DYRK4: variants seen among roughly 807,000 people sequenced by gnomAD.
DYRK4 encodes the protein dual specificity tyrosine phosphorylation regulated kinase 4.
A neutral mutation model predicts 68.3 loss-of-function variants in DYRK4; 64 were observed. The ratio of observed to expected loss-of-function variants is 0.94; its 90% CI spans 0.77 to 1.15. The LOEUF is 1.15. Ranked by LOEUF, DYRK4 falls within the 50% of genes most tolerant of loss-of-function variation. The probability of loss-of-function intolerance (pLI) is 0.00; values close to 1 mark genes in which losing one functional copy is unlikely to be tolerated. For synonymous variants in DYRK4, 274 were observed against 289.9 expected (o/e 0.95, Z 0.56); for missense variants, 740 against 764.7 (o/e 0.97, Z 0.38).
At position 4,607,941 on chromosome 12, in the gene DYRK4, T is replaced by A. The variant is rs192399171; in HGVS notation, c.1360+554T>A. On this transcript the variant is annotated intron_variant, in intron 12 of 14. Coordinates refer to ENST00000543431, the MANE Select transcript of DYRK4 (RefSeq NM_001394779.1). ...GTTATGTACGTGTCATCTGTCTGATTGTTGGGAGTAAACTTCGTCCACAGT... is the reference window on the plus strand; with the variant it reads ...GTTATGTACGTGTCATCTGTCTGATAGTTGGGAGTAAACTTCGTCCACAGT... Among the ~76,000 whole-genome samples, 3 of 152,328 alleles carry A rather than the reference T, an allele frequency of 2.0e-5. No individual in the cohort carries two copies. The East Asian group carries it at 5.8e-4, about 29-fold the overall frequency.
At chr12:4,602,037 C>A in intron 10 of DYRK4, 1 of 372,124 alleles carries the variant, frequency 2.7e-6, no homozygotes, top group South Asian at 3.0e-5. Flanking sequence ...CTCTTAGAAC[C>A]TAATTGGAAA....
chr12:4,602,147 G>A (rs1405027617), intron 10 of DYRK4: 9 of 638,898 alleles, frequency 1.4e-5, no homozygotes, highest in Admixed American at 6.7e-5. Context: ...ATTAAGTTCA[G>A]CTTTCATATC....
At position 4,573,352 on chromosome 12, in the gene DYRK4, A is replaced by G. The variant is rs760541684; in HGVS notation, c.132+5304A>G. On this transcript the variant is annotated intron_variant, in intron 2 of 14. Transcript: ENST00000543431. The stretch of plus-strand genomic sequence containing the variant: ...TAGGGCCCCACTCTTTCTGAGATCT[A>G]CATGGTAAGTACCAGTTCCTTTGTT... 3.9e-6 allele frequency: 5 copies of G among 1,289,634 alleles called. No homozygotes were observed. The South Asian group carries it at 6.2e-5, about 16-fold the overall frequency. The allele number at this position is 1,289,634 out of a possible 1,614,324, so 79.9% of individuals were successfully genotyped here. A position where few individuals can be genotyped will look rare whatever the true frequency, so the allele number is the denominator to read the frequency against.
chr12:4,608,528 G>A (rs1288350361), intron 12 of DYRK4, among the ~76,000 whole-genome samples: 1 of 152,232 alleles, frequency 6.6e-6, no homozygotes, highest in Admixed American at 6.5e-5. Flanking sequence ...CCATGTGGGG[G>A]TTATAATTTG....
intron 6 of DYRK4, among the ~76,000 whole-genome samples, chr12:4,593,954 G>C (rs1008008689): frequency 3.9e-5 from 6 of 152,228 alleles, no homozygotes; most frequent in Non-Finnish European, 7.3e-5. Flanking sequence ...ACTTGGAGGA[G>C]CTCGTTAAAA....
At chr12:4,607,637 A>G (rs867539331) in intron 12 of DYRK4, among the ~76,000 whole-genome samples, 2 of 152,250 alleles carry the variant, frequency 1.3e-5, no homozygotes, top group African/African-American at 2.4e-5. Context: ...GTCCCTGCTC[A>G]GAAGAGCTAT....
At chr12:4,587,545 AACCT>A (rs1288372064) in intron 2 of DYRK4, among the ~76,000 whole-genome samples, 2 of 152,078 alleles carry the variant, frequency 1.3e-5, no homozygotes, top group East Asian at 3.9e-4. Flanking sequence ...CATCCCCACA[AACCT>A]ACTTGATGAG....
Position 4,596,233 on chromosome 12 carries a change from G to A in DYRK4, c.712G>A (p.Asp238Asn), listed in dbSNP as rs761876793. The A allele has an allele frequency of 1.6e-5, 26 of 1,614,062 alleles. No homozygotes were observed. The highest frequency in any genetic ancestry group is 1.8e-5 in the Non-Finnish European group (21 of 1,180,036). Residue 238 changes from aspartate (D) to asparagine (N), a missense_variant, in exon 7 of 15, where the codon GAT becomes AAT. By Grantham distance (23) the Asp-to-Asn change is conservative. This residue lies in a region of DYRK4 where 614 missense variants were observed against 603.7 expected (regional missense o/e 1.02). Coordinates refer to ENST00000543431, the MANE Select transcript of DYRK4 (RefSeq NM_001394779.1). ...GSFGQVAKCL[D>N]HKNNELVALK... ...CTTTGGACAGGTGGCCAAGTGCTTG[G>A]ATCACAAAAACAATGAGCTGGTGGC...
intron 2 of DYRK4, among the ~76,000 whole-genome samples, chr12:4,586,831 A>G (rs953018279): frequency 6.6e-6 from 1 of 152,114 alleles, no homozygotes; most frequent in African/African-American, 2.4e-5. Context: ...CCATTTTGCA[A>G]ATAAGGAAAA....
intron 11 of DYRK4, among the ~76,000 whole-genome samples, chr12:4,606,048 TAGTC>T: frequency 1.3e-5 from 2 of 152,366 alleles, no homozygotes; most frequent in East Asian, 1.9e-4. Flanking sequence ...GTTCAGGCAT[TAGTC>T]ATTCATTATG....
chr12:4,599,882 C>A, intron 10 of DYRK4, 94 bp downstream of exon 10: 1 of 976,874 alleles, frequency 1.0e-6, no homozygotes, highest in Non-Finnish European at 1.6e-6. Flanking sequence ...CTGCGCTCAG[C>A]TGTCACCACT....
intron 4 of DYRK4, 77 bp downstream of exon 4, chr12:4,590,517 C>A: frequency 6.6e-7 from 1 of 1,506,012 alleles, no homozygotes; most frequent in Non-Finnish European, 8.8e-7. Flanking sequence ...TTAGAAAGGC[C>A]CAGGATAGTG....
intron 8 of DYRK4, among the ~76,000 whole-genome samples, chr12:4,598,239 T>C (rs1945040713): frequency 6.6e-6 from 1 of 152,138 alleles, no homozygotes; most frequent in Non-Finnish European, 1.5e-5. Context: ...AGTGGCTTGC[T>C]AAATACTACC....
At chr12:4,585,562 G>GGTGGGAATT (rs1565535756) in intron 2 of DYRK4, among the ~76,000 whole-genome samples, 2 of 152,094 alleles carry the variant, frequency 1.3e-5, no homozygotes, top group Non-Finnish European at 2.9e-5. Context: ...CTCACTCACA[G>GGTGGGAATT]GTGGGAATTG....
At chr12:4,584,582 G>A (rs71459912) in intron 2 of DYRK4, among the ~76,000 whole-genome samples, 3 of 125,572 alleles carry the variant, frequency 2.4e-5, no homozygotes, top group Non-Finnish European at 4.8e-5. Flanking sequence ...TTGAGGCAGA[G>A]TCTTGCTCTG....
intron 2 of DYRK4, chr12:4,580,726 A>G: frequency 2.3e-6 from 1 of 427,560 alleles, no homozygotes; most frequent in Non-Finnish European, 4.6e-6. Flanking sequence ...AGAGCCTGTA[A>G]GGAAGAAGTT....
Position 4,591,451 on chromosome 12 carries a change from C to A in DYRK4, c.463+153C>A. The A allele has an allele frequency of 9.1e-7, 1 of 1,096,780 alleles. No homozygotes were observed. Among genetic ancestry groups the A allele is most frequent in the Non-Finnish European group, 1.3e-6 (1 of 785,592 alleles). 67.9% of individuals were successfully genotyped at this position (1,096,780 alleles called of 1,614,324 possible). ...AGGAAAGTAGAAGTTAAGCGTTGAA[C>A]CTCTGACTGTGGTAGTATAAGCAAG... On this transcript the variant is annotated intron_variant, in intron 5 of 14. Transcript: ENST00000543431. This position sits in a 1 kb window ranked among gnomAD's most constrained non-coding sequence, Gnocchi z 4.1.
intron 10 of DYRK4, 66 bp downstream of exon 10, chr12:4,599,854 G>T: frequency 1.5e-6 from 2 of 1,378,480 alleles, no homozygotes; most frequent in Non-Finnish European, 2.1e-6. Flanking sequence ...TCACATACAA[G>T]GTCACCTGCC....
At chr12:4,589,160 ACCCCATCTCCACATCACCACG>A (rs1341494331) in intron 3 of DYRK4, 143 bp downstream of exon 3, 10 of 650,142 alleles carry the variant, frequency 1.5e-5, no homozygotes, top group Non-Finnish European at 2.3e-5. Flanking sequence ...ACGTCACCAC[ACCCCATCTCCACATCACCACG>A]CCCCATCTCC....
Sources: gnomAD v4.1 joint callset for allele counts (sites outside exome capture counted in the v4.1 genomes callset) on GRCh38, gnomAD v4.1.1 for gene constraint, gnomAD v4.1.1 regional missense constraint, Gnocchi (gnomAD v3.1) non-coding constraint, MANE v1.5 for transcripts, NCBI Gene and HGNC (gene_info 2026-07-23, HGNC 2026-07-21) for gene names.